MYBPC1: variants seen among roughly 807,000 people sequenced by gnomAD.
The protein encoded by MYBPC1 is myosin binding protein C1, also known as myosin-binding protein C, slow-type.
A neutral mutation model predicts 147.1 loss-of-function variants in MYBPC1; 52 were observed. The ratio of observed to expected loss-of-function variants is 0.35; its 90% confidence interval spans 0.28 to 0.45. The LOEUF (loss-of-function observed/expected upper bound fraction) is 0.45, where lower values mean the gene tolerates loss of function less well. Among genes scored for constraint, MYBPC1 ranks in the 20% least tolerant of loss-of-function variants. The pLI is 1.00. For missense variants in MYBPC1, 1,228 were observed against 1,440.3 expected (o/e 0.85, Z 2.39); for synonymous variants, 477 against 475.9 (o/e 1.00, Z -0.03).
chr12:101,614,381 G>A lies in MYBPC1; in HGVS notation c.26-115G>A, dbSNP rs1885302109. ...TGTGTTTCCCTCCTCCATCCCTCTT[G>A]TGAGTACACACAGGTGAGATGGCTG... On this transcript the variant is annotated intron_variant, in intron 1 of 31. Coordinates refer to ENST00000361466, the MANE Select transcript of MYBPC1 (RefSeq NM_002465.4). 6 of 1,068,242 alleles carry A rather than the reference G, an allele frequency of 5.6e-6. No individual in the cohort carries two copies. In the South Asian group the frequency reaches 7.9e-5, roughly 14 times the overall value. The allele number at this position is 1,068,242 out of a possible 1,614,324, so 66.2% of individuals were successfully genotyped here. A position where few individuals can be genotyped will look rare whatever the true frequency, so the allele number is the denominator to read the frequency against.
At chr12:101,647,140 C>A in intron 13 of MYBPC1, 1 of 481,820 alleles carries the variant, frequency 2.1e-6, no homozygotes, top group Non-Finnish European at 3.8e-6. Context: ...GCTTTGAAAC[C>A]CAACAGATTT....
chr12:101,604,391 A>G (rs929513883), intron 1 of MYBPC1, among the ~76,000 whole-genome samples: 1 of 152,238 alleles, frequency 6.6e-6, no homozygotes, highest in Non-Finnish European at 1.5e-5. Context: ...ATTAGACTTC[A>G]TCTATTCAGA....
chr12:101,677,813 C>T (rs751969497), intron 27 of MYBPC1, among the ~76,000 whole-genome samples: 16 of 152,202 alleles, frequency 1.1e-4, no homozygotes, highest in Non-Finnish European at 2.2e-4. Flanking sequence ...TAAAACCTTC[C>T]TTGTGTATTT....
chr12:101,671,417 A>T (rs1371800804), intron 24 of MYBPC1, among the ~76,000 whole-genome samples: 1 of 152,082 alleles, frequency 6.6e-6, no homozygotes, highest in East Asian at 1.9e-4. Context: ...ATGAAACCAA[A>T]CTAAAGGGAT....
intron 1 of MYBPC1, among the ~76,000 whole-genome samples, chr12:101,611,368 A>G (rs1216822067): frequency 2.6e-5 from 4 of 152,250 alleles, no homozygotes; most frequent in Non-Finnish European, 5.9e-5. Context: ...TGGAGAATGT[A>G]CATTTAGGGA....
chr12:101,666,469 C>T (rs538735385), intron 22 of MYBPC1: 2 of 419,078 alleles, frequency 4.8e-6, no homozygotes, highest in East Asian at 1.0e-4. Context: ...CTGGAGGTGT[C>T]CCAGCCTCCT....
chr12:101,611,142 C>T (rs926517653), intron 1 of MYBPC1, among the ~76,000 whole-genome samples: 4 of 152,092 alleles, frequency 2.6e-5, no homozygotes, highest in African/African-American at 7.2e-5. Context: ...ATTTACAGGC[C>T]GGTATACATT....
intron 22 of MYBPC1, among the ~76,000 whole-genome samples, chr12:101,664,164 AG>A (rs889062991): frequency 6.6e-5 from 10 of 152,206 alleles, no homozygotes; most frequent in Non-Finnish European, 5.9e-5. Flanking sequence ...TTAATTTAGG[AG>A]GGGAAGAGAA....
intron 31 of MYBPC1, 62 bp from the exon 32 acceptor site, chr12:101,685,520 G>T: frequency 8.6e-7 from 1 of 1,160,164 alleles, no homozygotes; most frequent in South Asian, 1.3e-5. Context: ...AAGAAGTATT[G>T]TTTCAGCGAT....
intron 3 of MYBPC1, among the ~76,000 whole-genome samples, chr12:101,624,078 T>C (rs1888020007): frequency 6.6e-6 from 1 of 152,100 alleles, no homozygotes. Flanking sequence ...TATCCTGCAG[T>C]AAACACATAA....
chr12:101,655,261 A>C (rs1348064690), intron 18 of MYBPC1, among the ~76,000 whole-genome samples: 4 of 152,172 alleles, frequency 2.6e-5, no homozygotes, highest in African/African-American at 9.7e-5. Flanking sequence ...GAGAAAGTTA[A>C]GTGAAAAAAG....
chr12:101,602,245 T>G (rs1455101975), intron 1 of MYBPC1, among the ~76,000 whole-genome samples: 1 of 152,166 alleles, frequency 6.6e-6, no homozygotes, highest in African/African-American at 2.4e-5. Context: ...GATGGAGTCT[T>G]GCTCTGTCGC....
chr12:101,629,077 A>G, intron 5 of MYBPC1: 1 of 347,326 alleles, frequency 2.9e-6, no homozygotes, highest in Non-Finnish European at 5.6e-6. Flanking sequence ...AAAAACACCA[A>G]GAGTACTGCT....
chr12:101,651,341 A>ATGGACTAAAT lies in MYBPC1; in HGVS notation c.1474_1475insTGGACTAAAT (p.Asn492MetfsTer3). The ATGGACTAAAT allele has an allele frequency of 6.2e-7, 1 of 1,614,136 alleles. No individual in the cohort carries two copies. Among genetic ancestry groups the ATGGACTAAAT allele is most frequent in the Non-Finnish European group, 8.5e-7 (1 of 1,179,988 alleles). On this transcript the variant is annotated stop_gained and frameshift_variant, in exon 16 of 32. Coordinates refer to ENST00000361466, the MANE Select transcript of MYBPC1 (RefSeq NM_002465.4). LOFTEE classifies it high-confidence loss of function. ...AAACATACCAGGAAAATGGACTAAA[A>ATGGACTAAAT]ATGGCCTACCTGTTCAGGAGAGTGA...
chr12:101,693,980 C>T, the MYBPC1 span, among the ~76,000 whole-genome samples: 5 of 152,106 alleles, frequency 3.3e-5, no homozygotes, highest in African/African-American at 1.2e-4. Flanking sequence ...TCATGGCCAG[C>T]CATTTTTGAT....
At position 101,666,928 on chromosome 12, in the gene MYBPC1, CAT is replaced by C. The variant is rs376943313; in HGVS notation, c.2357-802_2357-801del. The C allele has an allele frequency of 0.22, 75,412 of 346,738 alleles. 2,997 individuals carry two copies. Among genetic ancestry groups the C allele is most frequent in the Admixed American group, 0.27 (8,173 of 30,116 alleles). The allele number at this position is 346,738 out of a possible 1,614,324, so 21.5% of individuals were successfully genotyped here. A position where few individuals can be genotyped will look rare whatever the true frequency, so the allele number is the denominator to read the frequency against. On this transcript the variant is annotated intron_variant, in intron 22 of 31. Transcript: ENST00000361466. ...ACACACACACACACACACACACACA[CAT>C]ACACACACACACATCCTTAGAGATG... is the stretch of plus-strand genomic sequence containing the variant.
downstream of MYBPC1, among the ~76,000 whole-genome samples, chr12:101,687,918 A>G (rs753107008): frequency 6.6e-6 from 1 of 152,208 alleles, no homozygotes. Context: ...ACTTTTCTAC[A>G]TATAATCTTT....
chr12:101,631,458 G>A (rs1488330335), intron 6 of MYBPC1, 113 bp from the exon 7 acceptor site: 2 of 1,208,218 alleles, frequency 1.7e-6, no homozygotes, highest in East Asian at 4.8e-5. Flanking sequence ...CAATTCCGAG[G>A]GCACCAATCA....
chr12:101,668,245 C>G (rs1056768954), intron 23 of MYBPC1, among the ~76,000 whole-genome samples: 1 of 152,076 alleles, frequency 6.6e-6, no homozygotes, highest in African/African-American at 2.4e-5. Flanking sequence ...AATGAATCTG[C>G]AGGGTCAGAA....
Sources: gnomAD v4.1 joint callset for allele counts (sites outside exome capture counted in the v4.1 genomes callset) on GRCh38, gnomAD v4.1.1 for gene constraint, MANE v1.5 for transcripts, NCBI Gene and HGNC (gene_info 2026-07-23, HGNC 2026-07-21) for gene names.